The following LMF2 variants were observed in gnomAD, a reference collection of about 807,000 sequenced individuals.
LMF2 encodes the protein transmembrane protein 112B.
LMF2 carries 113 observed loss-of-function variants against 81.5 expected under a neutral mutation model. The observed-to-expected ratio is 1.39, with a 90% CI of 1.19 to 1.62. LMF2 has a LOEUF of 1.62. Ranked by LOEUF, LMF2 falls within the 40% of genes most tolerant of loss-of-function variation. LMF2 has a pLI of 0.00. For missense variants in LMF2, 1,235 were observed against 929.1 expected, an observed-to-expected ratio of 1.33 and a Z score of -4.28; for synonymous variants, 645 against 424.5, an observed-to-expected ratio of 1.52 and a Z score of -6.39.
chr22:50,506,847 G>A lies in LMF2; in HGVS notation c.283C>T (p.Leu95=). ...ATGACAGGGTGGCGCAGTGGGCTCA[G>A]CAGCAGGGCTCCCAGGGCCACTAGT... ...GALVALGALL[L]SPLRHPVIYL... The change falls in exon 2 of 14, where the codon CTG becomes TTG. Residue 95 remains leucine (L), a synonymous_variant. Coordinates refer to ENST00000474879, the MANE Select transcript of LMF2 (RefSeq NM_033200.3). 6.3e-7 allele frequency: 1 copy of A among 1,598,482 alleles called. No homozygotes were observed. The highest frequency in any genetic ancestry group is 1.1e-5 in the South Asian group (1 of 89,492).
chr22:50,505,877 A>C (rs1021628474), intron 5 of LMF2, 62 bp from the exon 6 acceptor site: 21 of 1,599,676 alleles, frequency 1.3e-5, no homozygotes, highest in Non-Finnish European at 1.8e-5. Context: ...GCAGGCACCC[A>C]CCTCCACCCT....
chr22:50,505,646 G>A (rs937336955), intron 6 of LMF2, 28 bp downstream of exon 6: 6 of 1,611,796 alleles, frequency 3.7e-6, no homozygotes, highest in Non-Finnish European at 4.2e-6. Context: ...CCCCTGGGAG[G>A]GCAGGGGGCT....
Position 50,504,731 on chromosome 22 carries a change from C to G in LMF2, c.1438-4G>C. ...GCTTGTACATGAACTCGATCTCCTG[C>G]CAGGCAGGCCGAGGTCAGCTGGGCC... On this transcript the variant is annotated splice_polypyrimidine_tract_variant and splice_region_variant and intron_variant, in intron 10 of 13. Coordinates refer to ENST00000474879, the MANE Select transcript of LMF2 (RefSeq NM_033200.3). 3 of 1,609,208 alleles carry G rather than the reference C, an allele frequency of 1.9e-6. No homozygotes were observed. Among genetic ancestry groups the G allele is most frequent in the Non-Finnish European group, 2.5e-6 (3 of 1,179,030 alleles).
At chr22:50,506,236 G>C (rs1459495108) in intron 4 of LMF2, 23 bp from the exon 5 acceptor site, 1 of 1,549,280 alleles carries the variant, frequency 6.5e-7, no homozygotes, top group Non-Finnish European at 8.7e-7. Context: ...GCAGGAGTCA[G>C]GGCTGGCCGA....
At chr22:50,505,009 G>A (rs1368929123) in intron 9 of LMF2, 25 bp from the exon 10 acceptor site, 35 of 1,611,776 alleles carry the variant, frequency 2.2e-5, no homozygotes, top group Non-Finnish European at 2.9e-5. Flanking sequence ...GAGGTTCTCA[G>A]GGCTGCCCTG....
In LMF2 at chr22:50,505,682, G is replaced by A. The variant is rs149785243; in HGVS notation, c.908C>T (p.Thr303Met). Residue 303 changes from threonine (T) to methionine (M), a missense_variant, in exon 6 of 14, where the codon ACG becomes ATG. Coordinates refer to ENST00000474879, the MANE Select transcript of LMF2 (RefSeq NM_033200.3). ...AEPGHGSRKKTATSWPKALLA... is the reference protein window; with the variant it reads ...AEPGHGSRKKMATSWPKALLA... ...GGACAAGTGACACGCACAGGTGGCCGTCTTCTTGCGGCTGCCGTGGCCAGG... is the reference window on the plus strand; with the variant it reads ...GGACAAGTGACACGCACAGGTGGCCATCTTCTTGCGGCTGCCGTGGCCAGG... The A allele has an allele frequency of 2.0e-5, 32 of 1,612,800 alleles. No individual in the cohort carries two copies. The highest frequency in any genetic ancestry group is 1.3e-4 in the Admixed American group (8 of 59,984).
chr22:50,507,551 G>T, intron 1 of LMF2, 31 bp downstream of exon 1: 2 of 1,480,430 alleles, frequency 1.4e-6, no homozygotes, highest in Non-Finnish European at 1.8e-6. Context: ...CCGCGCCGAG[G>T]CTGGGGGTGT....
In LMF2 at chr22:50,504,652, C is replaced by G; in HGVS notation, c.1513G>C (p.Asp505His). 1.9e-6 allele frequency: 3 copies of G among 1,608,956 alleles called. No homozygotes were observed. Among genetic ancestry groups the G allele is most frequent in the Non-Finnish European group, 2.5e-6 (3 of 1,179,342 alleles). ...AGGGCTGCAAACCACATCTGCCAGT[C>G]CAGGCGTGGCTGGTGGGGCACCACA... The part of the protein sequence containing the change: ...PVVVPHQPRL[D>H]WQMWFAALGP... The change falls in exon 11 of 14, where the codon GAC becomes CAC. Residue 505 changes from aspartate to histidine, a missense_variant. By Grantham distance (81) the Asp-to-His change is moderately conservative. Transcript: ENST00000474879.
chr22:50,507,267 G>C lies in LMF2; in HGVS notation c.95-232C>G, dbSNP rs1007881501. On this transcript the variant is annotated intron_variant, in intron 1 of 13. Coordinates refer to ENST00000474879, the MANE Select transcript of LMF2 (RefSeq NM_033200.3). ...CTGAGTCAGGGCCTCCCACCCAGCAGAGCCCACTGCCCTCTTCCAGGTCTC... is the reference window on the plus strand; with the variant it reads ...CTGAGTCAGGGCCTCCCACCCAGCACAGCCCACTGCCCTCTTCCAGGTCTC... 168 of 657,568 alleles carry C rather than the reference G, an allele frequency of 2.6e-4. 1 individual carries two copies. In the African/African-American group the frequency reaches 2.8e-3, roughly 11 times the overall value. 40.7% of individuals were successfully genotyped at this position (657,568 alleles called of 1,614,324 possible).
rs1219588198 is a variant in LMF2 at position 50,506,443 on chromosome 22, G to A, written c.437C>T (p.Ala146Val). The A allele has an allele frequency of 6.5e-7, 1 of 1,550,100 alleles. No individual in the cohort carries two copies. Among genetic ancestry groups the A allele is most frequent in the Non-Finnish European group, 8.7e-7 (1 of 1,148,314 alleles). Residue 146 changes from alanine to valine, a missense_variant, in exon 4 of 14, where the codon GCC becomes GTC. By Grantham distance (64) the Ala-to-Val change is moderately conservative. Transcript: ENST00000474879. Reference protein sequence around the residue: ...LAVLVAPLRPASHRKEAPQGR... With the variant: ...LAVLVAPLRPVSHRKEAPQGR... Reference sequence around the variant, plus strand: ...CTGGGGGGCCTCCTTGCGGTGGGAGGCTGGCCTCAGCGGGGCCACCAGCAC... The same window carrying A: ...CTGGGGGGCCTCCTTGCGGTGGGAGACTGGCCTCAGCGGGGCCACCAGCAC...
chr22:50,505,698 C>A lies in LMF2; in HGVS notation c.892G>T (p.Gly298Cys), dbSNP rs776849511. The stretch of plus-strand genomic sequence containing the variant: ...CAGGTGGCCGTCTTCTTGCGGCTGC[C>A]GTGGCCAGGCTCAGCAGCCAGGTGC... ...DQHLAAEPGH[G>C]SRKKTATSWP... Residue 298 changes from glycine (G) to cysteine (C), a missense_variant, in exon 6 of 14, where the codon GGC (glycine) becomes TGC (cysteine). Coordinates refer to ENST00000474879, the MANE Select transcript of LMF2 (RefSeq NM_033200.3). 6.2e-7 allele frequency: 1 copy of A among 1,612,782 alleles called. No homozygotes were observed. The highest frequency in any genetic ancestry group is 8.5e-7 in the Non-Finnish European group (1 of 1,179,922).
rs563513919 is a variant in LMF2 at position 50,504,792 on chromosome 22, G to A, written c.1437+10C>T. 1.2e-6 allele frequency: 2 copies of A among 1,604,660 alleles called. No homozygotes were observed. Among genetic ancestry groups the A allele is most frequent in the Non-Finnish European group, 1.7e-6 (2 of 1,174,918 alleles). ...GGCCCCACCACCCTGCCCGCCCTGGGAGGGCTCACCGTCCAGTGGTGGCCG... is the reference window on the plus strand; with the variant it reads ...GGCCCCACCACCCTGCCCGCCCTGGAAGGGCTCACCGTCCAGTGGTGGCCG... On this transcript the variant is annotated intron_variant, in intron 10 of 13. Coordinates refer to ENST00000474879, the MANE Select transcript of LMF2 (RefSeq NM_033200.3).
chr22:50,504,495 G>GGCCCCCCCCCCCCCCCCCCCCCCCCACC, intron 11 of LMF2, 44 bp from the exon 12 acceptor site: 1 of 1,339,596 alleles, frequency 7.5e-7, no homozygotes. Flanking sequence ...TACCCGCCCT[G>GGCCCCCCCCCCCCCCCCCCCCCCCCACC]CCCCTCCCCT....
intron 1 of LMF2, 62 bp from the exon 2 acceptor site, chr22:50,507,097 G>A (rs1018025549): frequency 1.1e-5 from 17 of 1,525,944 alleles, no homozygotes; most frequent in East Asian, 4.5e-5. Context: ...CTACCTCTGA[G>A]TCAGGGCCTG....
Position 50,506,895 on chromosome 22 carries a change from C to G in LMF2, c.235G>C (p.Glu79Gln). Residue 79 changes from glutamate (E) to glutamine (Q), a missense_variant, in exon 2 of 14, where the codon GAG (glutamate) becomes CAG (glutamine). By Grantham distance (29) the Glu-to-Gln change is conservative. Coordinates refer to ENST00000474879, the MANE Select transcript of LMF2 (RefSeq NM_033200.3). ...AGTGCACCCAGCAGGCTCAGCAGCT[C>G]CAGGCCCTGGGCCGTGTCCAGCCCC... is the stretch of plus-strand genomic sequence containing the variant. ...RLGLDTAQGL[E>Q]LLSLLGALVA... 1 of 1,584,642 alleles carries G rather than the reference C, an allele frequency of 6.3e-7. No individual in the cohort carries two copies. The highest frequency in any genetic ancestry group is 2.3e-5 in the East Asian group (1 of 43,166).
chr22:50,507,488 C>T (rs887980425), intron 1 of LMF2, 94 bp downstream of exon 1: 11 of 1,036,312 alleles, frequency 1.1e-5, no homozygotes, highest in Non-Finnish European at 1.6e-5. Context: ...GGCCCTCACT[C>T]CCAACCCCGG....
In LMF2 at chr22:50,504,953, T is replaced by A. The variant is rs770424007; in HGVS notation, c.1286A>T (p.His429Leu). The A allele has an allele frequency of 1.2e-6, 2 of 1,608,194 alleles. No individual in the cohort carries two copies. The highest frequency in any genetic ancestry group is 2.2e-5 in the South Asian group (2 of 90,942). The change falls in exon 10 of 14, where the codon CAC becomes CTC. Residue 429 changes from histidine (H) to leucine (L), a missense_variant. Coordinates refer to ENST00000474879, the MANE Select transcript of LMF2 (RefSeq NM_033200.3). Reference protein sequence around the residue: ...VPYSYVEPGTHGRLWTGAHRL... With the variant: ...VPYSYVEPGTLGRLWTGAHRL... The stretch of plus-strand genomic sequence containing the variant: ...GTGGGCCCCGGTCCAGAGGCGCCCG[T>A]GGGTCCCGGGCTCCACGTAGGAGTA...
chr22:50,506,250 C>T (rs1358238386), intron 4 of LMF2, 35 bp downstream of exon 4: 3 of 1,547,774 alleles, frequency 1.9e-6, no homozygotes, highest in African/African-American at 2.7e-5. Context: ...TGGCCGAGCC[C>T]CCAGACTACC....
chr22:50,505,122 G>A lies in LMF2; in HGVS notation c.1189C>T (p.Leu397Phe), dbSNP rs761622545. 4 of 1,612,924 alleles carry A rather than the reference G, an allele frequency of 2.5e-6. No homozygotes were observed. The Admixed American group carries it at 5.0e-5, about 20-fold the overall frequency. The change falls in exon 9 of 14, where the codon CTC becomes TTC. Residue 397 changes from leucine to phenylalanine, a missense_variant. Leu to Phe is a conservative substitution (Grantham distance 22, BLOSUM62 0). Transcript: ENST00000474879. ...WTQVRGWLRK[L>F]SAVVQLSLVG... Reference sequence around the variant, plus strand: ...AGGGACAGTTGGACTACAGCACTGAGCTTCCGTAGCCAGCCCCGCACCTGG... The same window carrying A: ...AGGGACAGTTGGACTACAGCACTGAACTTCCGTAGCCAGCCCCGCACCTGG...
Sources: allele counts gnomAD v4.1 joint callset, GRCh38; gene constraint gnomAD v4.1.1; transcripts MANE v1.5; gene names NCBI Gene and HGNC (gene_info 2026-07-23, HGNC 2026-07-21).